TENM4: variants seen among roughly 807,000 people sequenced by gnomAD.
TENM4 encodes teneurin-4.
A neutral mutation model predicts 243.3 loss-of-function variants in TENM4; 82 were observed. The observed-to-expected ratio is 0.34, with a 90% confidence interval of 0.28 to 0.40. The LOEUF is 0.40. TENM4 is among the 10% of genes least tolerant of loss of function. The pLI, the probability that TENM4 is intolerant of heterozygous loss-of-function variation, is 1.00. For missense variants in TENM4, 3,138 were observed against 3,673.3 expected (o/e 0.85, Z 3.77); for synonymous variants, 1,412 against 1,456.3 (o/e 0.97, Z 0.69).
chr11:79,378,884 TAAA>T (rs34204961), intron 1 of TENM4, among the ~76,000 whole-genome samples: 12 of 116,892 alleles, frequency 1.0e-4, no homozygotes, highest in Non-Finnish European at 9.0e-5. Context: ...CCCTGTCTGT[TAAA>T]AAAAAAAAAA....
intron 20 of TENM4, among the ~76,000 whole-genome samples, chr11:78,737,041 A>C (rs1855816310): frequency 6.6e-6 from 1 of 152,192 alleles, no homozygotes; most frequent in African/African-American, 2.4e-5. Context: ...ACTCTAACCA[A>C]CCACAACAGG....
In TENM4 at chr11:78,948,059, A is replaced by C. The variant is rs191447506; in HGVS notation, c.494-44536T>G. ...TGTCCAGTCTCTAGCCAATCTAAGT[A>C]CAGGCACTCCCATTTTCTATTTTGA... On this transcript the variant is annotated intron_variant, in intron 6 of 33. Transcript: ENST00000278550. Among the ~76,000 whole-genome samples, 56 of 152,342 alleles carry C rather than the reference A, an allele frequency of 3.7e-4. No individual in the cohort carries two copies. The East Asian group carries it at 9.5e-3, about 26-fold the overall frequency.
chr11:78,970,238 G>A (rs1388332957), intron 6 of TENM4, among the ~76,000 whole-genome samples: 1 of 152,206 alleles, frequency 6.6e-6, no homozygotes, highest in African/African-American at 2.4e-5. Flanking sequence ...GCCAAAGAGG[G>A]ACCACGTATT....
chr11:78,948,528 G>A (rs931065084), intron 6 of TENM4, among the ~76,000 whole-genome samples: 28 of 152,022 alleles, frequency 1.8e-4, no homozygotes, highest in Admixed American at 1.1e-3. Context: ...ACCCGCCACC[G>A]CGCCTGGCTA....
At chr11:78,835,522 A>G (rs1179411537) in intron 12 of TENM4, among the ~76,000 whole-genome samples, 1 of 152,036 alleles carries the variant, frequency 6.6e-6, no homozygotes, top group Non-Finnish European at 1.5e-5. Context: ...CAAACAAACA[A>G]AAATCAAACA....
At position 78,865,183 on chromosome 11, in the gene TENM4, G is replaced by A. The variant is rs182600953; in HGVS notation, c.1085-2051C>T. Among the ~76,000 whole-genome samples, 7 of 152,326 alleles carry A rather than the reference G, an allele frequency of 4.6e-5. No individual in the cohort carries two copies. The East Asian group carries it at 1.3e-3, about 29-fold the overall frequency. ...TGATATGCCAGGCATTAGGCTGAGA[G>A]CATTACAAGCAATAATTCCTTTAAC... On this transcript the variant is annotated intron_variant, in intron 9 of 33. Transcript: ENST00000278550.
chr11:79,083,609 T>A (rs60077309), intron 4 of TENM4, among the ~76,000 whole-genome samples: 1 of 151,946 alleles, frequency 6.6e-6, no homozygotes, highest in South Asian at 2.1e-4. Flanking sequence ...TTCTCTAAAC[T>A]TGGCCTTGGA....
At chr11:79,266,071 C>T (rs900759868) in intron 2 of TENM4, among the ~76,000 whole-genome samples, 1 of 152,230 alleles carries the variant, frequency 6.6e-6, no homozygotes, top group Non-Finnish European at 1.5e-5. Context: ...TCAGCTCTTA[C>T]TGCTGTTGTA....
chr11:79,142,593 A>C (rs1862307666), intron 4 of TENM4, among the ~76,000 whole-genome samples: 3 of 152,148 alleles, frequency 2.0e-5, no homozygotes, highest in Non-Finnish European at 2.9e-5. Flanking sequence ...ATTCCTATTA[A>C]AATACCAAAG....
At chr11:78,805,657 C>G (rs1191533691) in intron 14 of TENM4, among the ~76,000 whole-genome samples, 165 bp from the exon 15 acceptor site, 3 of 152,152 alleles carry the variant, frequency 2.0e-5, no homozygotes, top group Non-Finnish European at 4.4e-5. Flanking sequence ...AAATGGCAGA[C>G]CTGGCTTCCC....
chr11:78,935,962 G>A (rs980879107), intron 6 of TENM4, among the ~76,000 whole-genome samples: 1 of 152,152 alleles, frequency 6.6e-6, no homozygotes, highest in Admixed American at 6.5e-5. Flanking sequence ...AGTGAGATCT[G>A]TAAGGGCCCT....
At chr11:79,077,785 C>T (rs983245323) in intron 4 of TENM4, among the ~76,000 whole-genome samples, 3 of 152,168 alleles carry the variant, frequency 2.0e-5, no homozygotes, top group African/African-American at 7.2e-5. Context: ...AGTAACATCC[C>T]TACATGGTAA....
At chr11:79,361,655 G>A (rs1339621446) in intron 1 of TENM4, among the ~76,000 whole-genome samples, 1 of 152,020 alleles carries the variant, frequency 6.6e-6, no homozygotes, top group East Asian at 1.9e-4. Context: ...ACCCTGAATG[G>A]CACAAATAGA....
chr11:79,120,793 C>T (rs1159864674), intron 4 of TENM4, among the ~76,000 whole-genome samples: 4 of 152,180 alleles, frequency 2.6e-5, no homozygotes, highest in Non-Finnish European at 5.9e-5. Context: ...ACAACCAAAA[C>T]CACTACCATA....
rs891460877 is a variant in TENM4 at position 79,389,331 on chromosome 11, T to G, written c.-321+51178A>C. 4.6e-5 allele frequency among the ~76,000 whole-genome samples: 7 copies of G among 152,056 alleles called. No individual in the cohort carries two copies. The South Asian group carries it at 1.2e-3, about 27-fold the overall frequency. On this transcript the variant is annotated intron_variant, in intron 1 of 33. Coordinates refer to ENST00000278550, the MANE Select transcript of TENM4 (RefSeq NM_001098816.3). ...CCACCACGCTTGACTAATTTTTAAT[T>G]TTTTTTTGTAGACAAGGGTCTTGCT...
chr11:79,393,196 C>G (rs575442969), intron 1 of TENM4, among the ~76,000 whole-genome samples: 2 of 152,130 alleles, frequency 1.3e-5, no homozygotes, highest in East Asian at 3.9e-4. Flanking sequence ...GGGTTTAGAC[C>G]TCAAAACAGC....
chr11:79,299,544 A>G (rs1349129840), intron 1 of TENM4, among the ~76,000 whole-genome samples: 1 of 152,310 alleles, frequency 6.6e-6, no homozygotes, highest in Non-Finnish European at 1.5e-5. Context: ...GATTATATCG[A>G]TACTTATTTA....
intron 3 of TENM4, among the ~76,000 whole-genome samples, chr11:79,149,462 T>G (rs115762432): frequency 0.011 from 1,629 of 152,334 alleles, 35 homozygotes; most frequent in South Asian, 0.047. Context: ...GTCATTCATT[T>G]ATAATCATTT....
At chr11:79,165,059 T>C (rs1862882868) in intron 3 of TENM4, among the ~76,000 whole-genome samples, 1 of 151,924 alleles carries the variant, frequency 6.6e-6, no homozygotes. Context: ...GCATTTGAGC[T>C]GGTTTCATAT....
Sources: allele counts gnomAD v4.1 joint callset (sites outside exome capture counted in the v4.1 genomes callset), GRCh38; gene constraint gnomAD v4.1.1; transcripts MANE v1.5; gene names NCBI Gene and HGNC (gene_info 2026-07-23, HGNC 2026-07-21).